UHMK1: variants seen among roughly 807,000 people sequenced by gnomAD.
UHMK1 encodes the protein U2AF homology motif kinase 1, also known as serine/threonine-protein kinase Kist.
UHMK1 carries 18 observed loss-of-function variants against 44.0 expected under a neutral mutation model. The ratio of observed to expected loss-of-function variants is 0.41; its 90% confidence interval spans 0.28 to 0.61. The LOEUF (loss-of-function observed/expected upper bound fraction) is 0.61, where lower values mean the gene tolerates loss of function less well. UHMK1 is among the 20% of genes least tolerant of loss of function. The pLI is 0.31. For synonymous variants in UHMK1, 231 were observed against 198.5 expected (o/e 1.16, Z -1.38); for missense variants, 463 against 522.5 (o/e 0.89, Z 1.11).
rs925207016 is a variant in UHMK1 at position 162,526,442 on chromosome 1, G to A, written c.*3892G>A. On this transcript the variant is annotated 3_prime_UTR_variant, in exon 8 of 8. Coordinates refer to ENST00000489294, the MANE Select transcript of UHMK1 (RefSeq NM_175866.5). ...ATGCTAGGTGGCTTTATTCAGATTC[G>A]GGTACATTGGAATCACATCATGACT... 4 of 152,084 alleles carry A rather than the reference G, an allele frequency of 2.6e-5. No homozygotes were observed. The highest frequency in any genetic ancestry group is 4.1e-4 in the South Asian group (2 of 4,820). The allele number at this position is 152,084 out of a possible 1,614,324, so 9.4% of individuals were successfully genotyped here.
At chr1:162,514,066 T>C (rs1299035549) in intron 6 of UHMK1, among the ~76,000 whole-genome samples, 1 of 152,158 alleles carries the variant, frequency 6.6e-6, no homozygotes, top group Non-Finnish European at 1.5e-5. Flanking sequence ...TGTGAAGCAT[T>C]TGCATCAACC....
intron 1 of UHMK1, among the ~76,000 whole-genome samples, chr1:162,498,792 G>C (rs1355952162): frequency 1.3e-5 from 2 of 152,180 alleles, no homozygotes; most frequent in African/African-American, 4.8e-5. Flanking sequence ...TCTTGAGACT[G>C]TTTCAAGAAT....
intron 4 of UHMK1, among the ~76,000 whole-genome samples, chr1:162,509,867 A>T (rs1651607408): frequency 6.6e-6 from 1 of 151,780 alleles, no homozygotes; most frequent in Non-Finnish European, 1.5e-5. Context: ...CTGGTCTCAA[A>T]CTCCTGACCT....
rs539910424 is a variant in UHMK1, at chr1:162,518,774, A to G, written c.1113+584A>G. 3.3e-3 allele frequency among the ~76,000 whole-genome samples: 499 copies of G among 151,656 alleles called. 2 individuals are homozygous for G. Among genetic ancestry groups the G allele is most frequent in the Non-Finnish European group, 4.6e-3 (315 of 67,858 alleles). Reference sequence around the variant, plus strand: ...GAGGCCGAGGCAGGCGGATCACGAGATCAGGAGTTTGAGACCAGCCTGGCC... The same window carrying G: ...GAGGCCGAGGCAGGCGGATCACGAGGTCAGGAGTTTGAGACCAGCCTGGCC... On this transcript the variant is annotated intron_variant, in intron 7 of 7. Transcript: ENST00000489294.
In UHMK1 at chr1:162,511,227, G is replaced by C. The variant is rs185668774; in HGVS notation, c.849-1273G>C. 2.9e-3 allele frequency among the ~76,000 whole-genome samples: 334 copies of C among 114,268 alleles called. 2 individuals are homozygous for C. The highest frequency in any genetic ancestry group is 0.011 in the African/African-American group (322 of 29,288). The allele number at this position is 114,268 out of a possible 152,430, so 75.0% of individuals were successfully genotyped here. ...TTTTTTTGAGACAGGGTCTCGTTCTGTTGCCAAGGTTGTAGTGCAGTGGTG... is the reference window on the plus strand; with the variant it reads ...TTTTTTTGAGACAGGGTCTCGTTCTCTTGCCAAGGTTGTAGTGCAGTGGTG... On this transcript the variant is annotated intron_variant, in intron 4 of 7. Transcript: ENST00000489294.
upstream of UHMK1, chr1:162,497,362 C>T: frequency 1.5e-6 from 1 of 682,354 alleles, no homozygotes; most frequent in South Asian, 1.6e-5. Flanking sequence ...GTGCCCTGGC[C>T]TGGGAGAAAG....
chr1:162,513,072 G>T, intron 6 of UHMK1: 1 of 377,598 alleles, frequency 2.6e-6, no homozygotes, highest in Non-Finnish European at 5.1e-6. Context: ...CCCCCAAGTA[G>T]CTGAGATTAC....
At chr1:162,503,898 A>G (rs370350166) in intron 4 of UHMK1, 50 bp downstream of exon 4, 2 of 1,403,280 alleles carry the variant, frequency 1.4e-6, no homozygotes, top group African/African-American at 2.9e-5. Context: ...ACTATGTGAA[A>G]TGGTACGTCT....
chr1:162,501,144 C>A, intron 3 of UHMK1, 40 bp downstream of exon 3: 1 of 1,568,428 alleles, frequency 6.4e-7, no homozygotes, highest in Non-Finnish European at 8.7e-7. Flanking sequence ...TCCTTACTTT[C>A]AACTTAAGAG....
In UHMK1 at chr1:162,529,607, TAAAG is replaced by T. The variant is rs969250878; in HGVS notation, c.*7058_*7061del. On this transcript the variant is annotated 3_prime_UTR_variant, in exon 8 of 8. Coordinates refer to ENST00000489294, the MANE Select transcript of UHMK1 (RefSeq NM_175866.5). ...GAGTGATAAAATAAAAGCTTAAAAA[TAAAG>T]GAGTTGCTTTTTAATTTCAACTTTT... The T allele has an allele frequency of 6.6e-6, 1 of 152,164 alleles. No homozygotes were observed. The highest frequency in any genetic ancestry group is 1.5e-5 in the Non-Finnish European group (1 of 68,016). 9.4% of individuals were successfully genotyped at this position (152,164 alleles called of 1,614,324 possible). A position where few individuals can be genotyped will look rare whatever the true frequency, so the allele number is the denominator to read the frequency against.
rs146129436 is a variant in UHMK1, at chr1:162,507,508, A to C, written c.848+3660A>C. On this transcript the variant is annotated intron_variant, in intron 4 of 7. Coordinates refer to ENST00000489294, the MANE Select transcript of UHMK1 (RefSeq NM_175866.5). ...ATGTGCCAGGCTGGTCTTGAACTCA[A>C]GTGACCTTCCAGCCTCAGTTTCCCA... is the stretch of plus-strand genomic sequence containing the variant. 2.0e-4 allele frequency among the ~76,000 whole-genome samples: 30 copies of C among 151,836 alleles called. No homozygotes were observed. The East Asian group carries it at 5.2e-3, about 26-fold the overall frequency.
Position 162,529,028 on chromosome 1 carries a change from G to A in UHMK1, c.*6478G>A, listed in dbSNP as rs574099714. 2.0e-5 allele frequency: 3 copies of A among 152,104 alleles called. No homozygotes were observed. Among genetic ancestry groups the A allele is most frequent in the Admixed American group, 6.5e-5 (1 of 15,288 alleles). 9.4% of individuals were successfully genotyped at this position (152,104 alleles called of 1,614,324 possible). A position where few individuals can be genotyped will look rare whatever the true frequency, so the allele number is the denominator to read the frequency against. The stretch of plus-strand genomic sequence containing the variant: ...TAATTGCTACATTTTTTATAAGAAG[G>A]TATGGTTAGAAAAAAATGTGAAAGA... On this transcript the variant is annotated 3_prime_UTR_variant, in exon 8 of 8. Transcript: ENST00000489294.
chr1:162,515,271 A>G (rs1227690800), intron 6 of UHMK1, among the ~76,000 whole-genome samples: 2 of 152,052 alleles, frequency 1.3e-5, no homozygotes, highest in African/African-American at 4.8e-5. Flanking sequence ...GGTAGTAGTT[A>G]TTTTTCCAGT....
chr1:162,503,627 A>G (rs889296392), intron 3 of UHMK1, 127 bp from the exon 4 acceptor site: 3 of 611,590 alleles, frequency 4.9e-6, no homozygotes, highest in Non-Finnish European at 8.1e-6. Flanking sequence ...AAAAAAAAAA[A>G]AAAAGATTGT....
At chr1:162,510,204 T>C (rs1212900279) in intron 4 of UHMK1, among the ~76,000 whole-genome samples, 2 of 152,234 alleles carry the variant, frequency 1.3e-5, no homozygotes, top group Non-Finnish European at 2.9e-5. Flanking sequence ...TACATAGTTA[T>C]TTTTTGTGAT....
rs548617627 is a variant in UHMK1 at position 162,507,581 on chromosome 1, C to CTTTTTTTTT, written c.848+3736_848+3744dup. ...AGCCACCACCCCCAACCCATTCTTT[C>CTTTTTTTTT]TTTTTTTTTTTCTTTTTTTTTGTGA... On this transcript the variant is annotated intron_variant, in intron 4 of 7. Coordinates refer to ENST00000489294, the MANE Select transcript of UHMK1 (RefSeq NM_175866.5). Among the ~76,000 whole-genome samples, 72 of 133,196 alleles carry CTTTTTTTTT rather than the reference C, an allele frequency of 5.4e-4. 1 individual carries two copies. The highest frequency in any genetic ancestry group is 6.3e-4 in the Non-Finnish European group (40 of 62,998). The allele number at this position is 133,196 out of a possible 152,430, so 87.4% of individuals were successfully genotyped here. A position where few individuals can be genotyped will look rare whatever the true frequency, so the allele number is the denominator to read the frequency against.
In UHMK1 at chr1:162,500,904, CTT is replaced by C. The variant is rs1557939303; in HGVS notation, c.562-4_562-3del. On this transcript the variant is annotated splice_region_variant and splice_polypyrimidine_tract_variant and intron_variant, in intron 2 of 7. Coordinates refer to ENST00000489294, the MANE Select transcript of UHMK1 (RefSeq NM_175866.5). ...TTTATTGGTTGTAATATTTACTCATCTTTTTTAGGATGTAAAGTATATTCAGA... is the reference window on the plus strand; with the variant it reads ...TTTATTGGTTGTAATATTTACTCATCTTTTAGGATGTAAAGTATATTCAGA... The C allele has an allele frequency of 6.2e-7, 1 of 1,606,424 alleles. No individual in the cohort carries two copies. The highest frequency in any genetic ancestry group is 2.2e-5 in the East Asian group (1 of 44,766).
chr1:162,506,326 C>G (rs937076790), intron 4 of UHMK1, among the ~76,000 whole-genome samples: 1 of 148,708 alleles, frequency 6.7e-6, no homozygotes, highest in African/African-American at 2.5e-5. Flanking sequence ...AGTGTTAGCA[C>G]TTTGGTATAT....
chr1:162,526,648 G>T lies in UHMK1; in HGVS notation c.*4098G>T, dbSNP rs527503067. On this transcript the variant is annotated 3_prime_UTR_variant, in exon 8 of 8. Transcript: ENST00000489294. Reference sequence around the variant, plus strand: ...ATAGTATAAAAGTCCAAAATTTTCTGGGTTTACCTTTGTTTTATTTTTCAT... The same window carrying T: ...ATAGTATAAAAGTCCAAAATTTTCTTGGTTTACCTTTGTTTTATTTTTCAT... The T allele has an allele frequency of 6.6e-6, 1 of 151,894 alleles. No individual in the cohort carries two copies. The highest frequency in any genetic ancestry group is 1.9e-4 in the East Asian group (1 of 5,190). The allele number at this position is 151,894 out of a possible 1,614,324, so 9.4% of individuals were successfully genotyped here.
Sources: allele counts gnomAD v4.1 joint callset (sites outside exome capture counted in the v4.1 genomes callset), GRCh38; gene constraint gnomAD v4.1.1; transcripts MANE v1.5; gene names NCBI Gene and HGNC (gene_info 2026-07-23, HGNC 2026-07-21).